The following DISP1 variants were observed in gnomAD, a reference collection of about 807,000 sequenced individuals.
The protein encoded by DISP1 is dispatched RND transporter family member 1, also known as protein dispatched homolog 1.
In DISP1, 30 loss-of-function variants were observed where a neutral mutation model predicts 37.3. That is an observed-to-expected ratio of 0.80 (90% CI 0.60 to 1.09). The LOEUF is 1.09. DISP1 is among the 50% of genes least tolerant of loss of function. The pLI is 0.00. For missense variants in DISP1, 1,598 were observed against 1,879.5 expected (o/e 0.85, Z 2.77); for synonymous variants, 634 against 690.2 (o/e 0.92, Z 1.28).
intron 3 of DISP1, among the ~76,000 whole-genome samples, chr1:222,944,216 A>AT (rs999059697): frequency 6.6e-5 from 10 of 152,192 alleles, no homozygotes; most frequent in African/African-American, 1.9e-4. Context: ...TTTTAAAAAT[A>AT]TTTTTTGTAA....
chr1:222,874,139 G>A (rs887618728), intron 1 of DISP1, among the ~76,000 whole-genome samples: 1 of 152,236 alleles, frequency 6.6e-6, no homozygotes, highest in Non-Finnish European at 1.5e-5. Context: ...TCTGCCAAGA[G>A]ATCAGCTGTT....
At position 222,834,139 on chromosome 1, in the gene DISP1, GTTTA is replaced by G. The variant is rs1425321877; in HGVS notation, c.-159+19069_-159+19072del. ...TATCTGCAGCATCTTATAGAATGGT[GTTTA>G]TTTATTTCTAAGTTTCAAAACTTTA... On this transcript the variant is annotated intron_variant, in intron 1 of 8. Transcript: ENST00000675850. Among the ~76,000 whole-genome samples, 7 of 151,942 alleles carry G rather than the reference GTTTA, an allele frequency of 4.6e-5. No homozygotes were observed. In the East Asian group the frequency reaches 1.2e-3, roughly 25 times the overall value.
At chr1:222,954,625 G>A (rs1675460459) in intron 3 of DISP1, among the ~76,000 whole-genome samples, 1 of 152,120 alleles carries the variant, frequency 6.6e-6, no homozygotes, top group African/African-American at 2.4e-5. Context: ...GCCAAAATCA[G>A]GGTTTAGAGG....
chr1:222,819,580 C>T (rs1174279290), intron 1 of DISP1, among the ~76,000 whole-genome samples: 2 of 143,876 alleles, frequency 1.4e-5, no homozygotes, highest in African/African-American at 5.2e-5. Context: ...CGCTGTGTTG[C>T]CTAGGCTGGA....
chr1:222,893,184 T>C lies in DISP1; in HGVS notation c.-158-35246T>C, dbSNP rs1026076335. Among the ~76,000 whole-genome samples the C allele has an allele frequency of 2.6e-5, 4 of 152,226 alleles. No homozygotes were observed. On this transcript the variant is annotated intron_variant, in intron 1 of 8. Coordinates refer to ENST00000675850, the MANE Select transcript of DISP1 (RefSeq NM_001377229.1). The surrounding 1 kb of genome is among the most constrained non-coding windows in gnomAD (Gnocchi z 4.3). ...TGATAATTATAAACCATGCCTTTAT[T>C]ATTAAATCTTTTGTGTTAAGAAAAC... is the stretch of plus-strand genomic sequence containing the variant.
chr1:222,841,892 G>A (rs764053582), intron 1 of DISP1, among the ~76,000 whole-genome samples: 1 of 152,118 alleles, frequency 6.6e-6, no homozygotes, highest in Non-Finnish European at 1.5e-5. Flanking sequence ...TCTGGCTGAA[G>A]CATCTCTGAA....
In DISP1 at chr1:222,985,174, G is replaced by T. The variant is rs146200159; in HGVS notation, c.539+2065G>T. Among the ~76,000 whole-genome samples, 114 of 152,270 alleles carry T rather than the reference G, an allele frequency of 7.5e-4. 1 individual carries two copies. In the East Asian group the frequency reaches 0.021, roughly 29 times the overall value. ...ATGACTAAAAATTTTACTTTGAAAA[G>T]ATTTCTTTCTCTGTTATTAAATTGG... On this transcript the variant is annotated intron_variant, in intron 4 of 8. Transcript: ENST00000675850.
chr1:223,005,291 C>T lies in DISP1; in HGVS notation c.3894C>T (p.Cys1298=). The T allele has an allele frequency of 6.2e-7, 1 of 1,613,788 alleles. No individual in the cohort carries two copies. The highest frequency in any genetic ancestry group is 8.5e-7 in the Non-Finnish European group (1 of 1,180,034). ...TGGGGGACTGCTTGTGCCACCAGTG[C>T]TCTCCTACCACTAGCAGCTTTGTCC... ...QQMGDCLCHQ[C]SPTTSSFVQI... Residue 1298 remains cysteine, a synonymous_variant, in exon 9 of 9, where the codon TGC becomes TGT. Transcript: ENST00000675850.
chr1:222,881,345 G>A (rs11588378), intron 1 of DISP1, among the ~76,000 whole-genome samples: 17,272 of 152,036 alleles, frequency 0.11, 1,359 homozygotes, highest in Non-Finnish European at 0.16. Context: ...ACAGGCATGC[G>A]CCACCACGCC....
At chr1:222,936,041 C>T (rs1351449579) in intron 2 of DISP1, among the ~76,000 whole-genome samples, 1 of 152,172 alleles carries the variant, frequency 6.6e-6, no homozygotes, top group East Asian at 1.9e-4. Flanking sequence ...TGGAATGCAA[C>T]ACCTTACCTT....
At chr1:222,950,862 G>A (rs1675172118) in intron 3 of DISP1, among the ~76,000 whole-genome samples, 1 of 152,182 alleles carries the variant, frequency 6.6e-6, no homozygotes, top group African/African-American at 2.4e-5. Flanking sequence ...TTAATAAGGA[G>A]TTCTGCATCC....
intron 1 of DISP1, among the ~76,000 whole-genome samples, chr1:222,926,910 T>C (rs1476437207): frequency 1.3e-5 from 2 of 152,180 alleles, no homozygotes; most frequent in Non-Finnish European, 2.9e-5. Flanking sequence ...ACTCACGTTT[T>C]TCACCGCTCT....
Position 222,895,329 on chromosome 1 carries a change from C to G in DISP1, c.-158-33101C>G, listed in dbSNP as rs562087886. The stretch of plus-strand genomic sequence containing the variant: ...CTTGGTGCTTTTTTGCCACTGTACT[C>G]TTTCCAAGTAGTTAACCGAATACCA... On this transcript the variant is annotated intron_variant, in intron 1 of 8. Coordinates refer to ENST00000675850, the MANE Select transcript of DISP1 (RefSeq NM_001377229.1). Among the ~76,000 whole-genome samples, 6 of 152,258 alleles carry G rather than the reference C, an allele frequency of 3.9e-5. No individual in the cohort carries two copies. The South Asian group carries it at 1.2e-3, about 32-fold the overall frequency.
chr1:223,002,622 CTCAAGTGCACCAATGTGCCACGCAAATG>C lies in DISP1; in HGVS notation c.1227_1254del (p.Lys410ProfsTer19). On this transcript the variant is annotated frameshift_variant, in exon 9 of 9. Transcript: ENST00000675850. LOFTEE classifies it low-confidence loss of function (END_TRUNC). Reference sequence around the variant, plus strand: ...CATGGCAGCCAGAAGAAAGGACCAGCTCAAGTGCACCAATGTGCCACGCAAATGTACCAAGTACAATGCTGTGTACCAG... The same window carrying C: ...CATGGCAGCCAGAAGAAAGGACCAGCTACCAAGTACAATGCTGTGTACCAG... The C allele has an allele frequency of 1.9e-6, 3 of 1,614,222 alleles. No homozygotes were observed. The highest frequency in any genetic ancestry group is 2.5e-6 in the Non-Finnish European group (3 of 1,180,042).
chr1:222,963,121 AAC>A (rs1465947178), intron 3 of DISP1, among the ~76,000 whole-genome samples: 1 of 152,238 alleles, frequency 6.6e-6, no homozygotes, highest in Non-Finnish European at 1.5e-5. Context: ...AAAGGATATA[AAC>A]AGACACTTCT....
rs534334475 is a variant in DISP1 at position 222,964,128 on chromosome 1, G to C, written c.510-18952G>C. Among the ~76,000 whole-genome samples the C allele has an allele frequency of 1.8e-4, 27 of 151,966 alleles. No homozygotes were observed. The South Asian group carries it at 3.1e-3, about 18-fold the overall frequency. ...ATCCTGGCCAATATGGTGAAACCCTGTCTCTACTACAAATACAAAAATTAG... is the reference window on the plus strand; with the variant it reads ...ATCCTGGCCAATATGGTGAAACCCTCTCTCTACTACAAATACAAAAATTAG... On this transcript the variant is annotated intron_variant, in intron 3 of 8. Coordinates refer to ENST00000675850, the MANE Select transcript of DISP1 (RefSeq NM_001377229.1).
At chr1:222,884,839 T>C (rs1670487226) in intron 1 of DISP1, among the ~76,000 whole-genome samples, 1 of 152,118 alleles carries the variant, frequency 6.6e-6, no homozygotes, top group South Asian at 2.1e-4. Flanking sequence ...TGACTTTTTA[T>C]TATTTATTTA....
At chr1:222,898,703 A>T (rs1260274624) in intron 1 of DISP1, among the ~76,000 whole-genome samples, 1 of 152,148 alleles carries the variant, frequency 6.6e-6, no homozygotes, top group Non-Finnish European at 1.5e-5. Flanking sequence ...AACATTTTCA[A>T]ATGTGTCACC....
intron 3 of DISP1, among the ~76,000 whole-genome samples, chr1:222,972,720 C>T (rs765790821): frequency 2.0e-5 from 3 of 152,146 alleles, no homozygotes; most frequent in Admixed American, 2.0e-4. Flanking sequence ...CTACTCTGGT[C>T]CAATATTATC....
Sources: allele counts gnomAD v4.1 joint callset (sites outside exome capture counted in the v4.1 genomes callset), GRCh38; gene constraint gnomAD v4.1.1; non-coding constraint Gnocchi (gnomAD v3.1); transcripts MANE v1.5; gene names NCBI Gene and HGNC (gene_info 2026-07-23, HGNC 2026-07-21).